The following NCAPH variants were observed in gnomAD, a reference collection of about 807,000 sequenced individuals.
NCAPH encodes non-SMC condensin I complex subunit H.
NCAPH carries 38 observed loss-of-function variants against 85.5 expected under a neutral mutation model. The observed-to-expected ratio is 0.44, with a 90% CI of 0.34 to 0.58. The LOEUF (loss-of-function observed/expected upper bound fraction) is 0.58, where lower values mean the gene tolerates loss of function less well. Ranked by LOEUF, NCAPH falls within the 20% of genes least tolerant of loss-of-function variation. The pLI, the probability that NCAPH is intolerant of heterozygous loss-of-function variation, is 0.01. For synonymous variants in NCAPH, 301 were observed against 335.1 expected (o/e 0.90, Z 1.11); for missense variants, 789 against 916.6 (o/e 0.86, Z 1.80).
intron 6 of NCAPH, among the ~76,000 whole-genome samples, chr2:96,350,311 G>A (rs1045529492): frequency 3.3e-5 from 5 of 152,156 alleles, no homozygotes; most frequent in Non-Finnish European, 7.3e-5. Flanking sequence ...CATTATCATA[G>A]TGCTTTCAGC....
At position 96,373,389 on chromosome 2, in the gene NCAPH, C is replaced by T; in HGVS notation, c.*38C>T. The T allele has an allele frequency of 6.3e-7, 1 of 1,592,622 alleles. No individual in the cohort carries two copies. Among genetic ancestry groups the T allele is most frequent in the Non-Finnish European group, 8.6e-7 (1 of 1,161,378 alleles). ...GAAGTCAGCAGCAGGAGGCCCATCCCTTACTCAGTTGCCGGGACATCCCCA... is the reference window on the plus strand; with the variant it reads ...GAAGTCAGCAGCAGGAGGCCCATCCTTTACTCAGTTGCCGGGACATCCCCA... On this transcript the variant is annotated 3_prime_UTR_variant, in exon 18 of 18. Transcript: ENST00000240423.
intron 4 of NCAPH, 31 bp from the exon 5 acceptor site, chr2:96,343,135 T>G (rs756720864): frequency 1.2e-6 from 2 of 1,609,358 alleles, no homozygotes; most frequent in East Asian, 4.5e-5. Flanking sequence ...TTTGTGTATC[T>G]TTGTGAGTGC....
intron 5 of NCAPH, among the ~76,000 whole-genome samples, 180 bp from the exon 6 acceptor site, chr2:96,343,917 GTCTTGAAC>G (rs1558790409): frequency 6.6e-6 from 1 of 152,084 alleles, no homozygotes; most frequent in Non-Finnish European, 1.5e-5. Flanking sequence ...GGCCAGGCTG[GTCTTGAAC>G]TCCTGAGCTC....
At chr2:96,361,442 C>T (rs747325613) in intron 12 of NCAPH, among the ~76,000 whole-genome samples, 4 of 151,934 alleles carry the variant, frequency 2.6e-5, no homozygotes, top group Admixed American at 2.0e-4. Flanking sequence ...TCGAAGCGAG[C>T]CCAAGGTGAC....
Position 96,341,729 on chromosome 2 carries a change from T to C in NCAPH, c.107T>C (p.Met36Thr). ...TCTCCTTCAGAGCGTGTGTTCCCGA[T>C]GCCCCTGCCCAGGAAGGCGCCTCTC... The part of the protein sequence containing the change: ...ASSPSERVFP[M>T]PLPRKAPLNI... The change falls in exon 2 of 18, where the codon ATG becomes ACG. Residue 36 changes from methionine (M) to threonine (T), a missense_variant. Physicochemically the swap from Met to Thr is moderately conservative, Grantham distance 81. Transcript: ENST00000240423. 6.2e-7 allele frequency: 1 copy of C among 1,614,220 alleles called. No individual in the cohort carries two copies. The highest frequency in any genetic ancestry group is 1.1e-5 in the South Asian group (1 of 91,088).
chr2:96,358,476 C>CT (rs35129726), intron 9 of NCAPH, among the ~76,000 whole-genome samples: 153 of 149,262 alleles, frequency 1.0e-3, no homozygotes, highest in Middle Eastern at 3.4e-3. Flanking sequence ...AAGGAATTCT[C>CT]TTTTTTTTTT....
At chr2:96,369,209 A>T in intron 16 of NCAPH, 146 bp downstream of exon 16, 1 of 943,194 alleles carries the variant, frequency 1.1e-6, no homozygotes, top group East Asian at 2.6e-5. Context: ...ATACAGACCA[A>T]CTTTTAAAAA....
rs200434351 is a variant in NCAPH at position 96,344,101 on chromosome 2, T to G, written c.596-4T>G. On this transcript the variant is annotated splice_region_variant and splice_polypyrimidine_tract_variant and intron_variant, in intron 5 of 17. Transcript: ENST00000240423. The stretch of plus-strand genomic sequence containing the variant: ...GCAGTACGCAATTGTATTTCTCCTT[T>G]TAGATGGAAGTGCTACTGAAATGGG... 4,246 of 1,609,008 alleles carry G rather than the reference T, an allele frequency of 2.6e-3. 11 individuals are homozygous for G. Among genetic ancestry groups the G allele is most frequent in the Non-Finnish European group, 3.5e-3 (4,080 of 1,178,546 alleles).
At position 96,361,749 on chromosome 2, in the gene NCAPH, G is replaced by GATAT. The variant is rs142082869; in HGVS notation, c.1587+1055_1587+1058dup. ...GCCTGTTTTTCCACAAGATTTTAAT[G>GATAT]ATATATATATATATATATACATATA... On this transcript the variant is annotated intron_variant, in intron 12 of 17. Coordinates refer to ENST00000240423, the MANE Select transcript of NCAPH (RefSeq NM_015341.5). Among the ~76,000 whole-genome samples, 437 of 95,176 alleles carry GATAT rather than the reference G, an allele frequency of 4.6e-3. 4 individuals carry two copies. Among genetic ancestry groups the GATAT allele is most frequent in the Admixed American group, 9.0e-3 (74 of 8,228 alleles). The allele number at this position is 95,176 out of a possible 152,430, so 62.4% of individuals were successfully genotyped here. A position where few individuals can be genotyped will look rare whatever the true frequency, so the allele number is the denominator to read the frequency against.
chr2:96,372,030 G>A (rs147700049), intron 17 of NCAPH, among the ~76,000 whole-genome samples: 83 of 152,352 alleles, frequency 5.4e-4, no homozygotes, highest in Non-Finnish European at 6.6e-4. Context: ...GAAAACCCGC[G>A]AGGTGTGACT....
intron 17 of NCAPH, 100 bp from the exon 18 acceptor site, chr2:96,373,192 C>G: frequency 1.0e-6 from 1 of 962,906 alleles, no homozygotes. Context: ...ATGGGACAAA[C>G]TTTCTTCTTT....
At chr2:96,368,829 A>G in intron 15 of NCAPH, 143 bp from the exon 16 acceptor site, 1 of 668,136 alleles carries the variant, frequency 1.5e-6, no homozygotes, top group Non-Finnish European at 2.5e-6. Context: ...TTCTCTTTGT[A>G]GATCCTTTTT....
At chr2:96,370,048 AG>A (rs1171709810) in intron 17 of NCAPH, among the ~76,000 whole-genome samples, 2 of 152,248 alleles carry the variant, frequency 1.3e-5, no homozygotes, top group African/African-American at 2.4e-5. Context: ...GCCATGGGAC[AG>A]CTGTGGAAAG....
chr2:96,373,223 G>C, intron 17 of NCAPH, 69 bp from the exon 18 acceptor site: 2 of 1,357,388 alleles, frequency 1.5e-6, no homozygotes, highest in Non-Finnish European at 1.0e-6. Flanking sequence ...CCTTGTGACT[G>C]TGATTGGAAT....
intron 9 of NCAPH, among the ~76,000 whole-genome samples, chr2:96,357,099 G>A (rs547198051): frequency 2.6e-5 from 4 of 152,312 alleles, no homozygotes; most frequent in South Asian, 4.1e-4. Context: ...TGACCTAGTC[G>A]GAGGTCAAAG....
intron 1 of NCAPH, 60 bp downstream of exon 1, chr2:96,335,908 C>A (rs914896022): frequency 2.2e-6 from 3 of 1,382,462 alleles, no homozygotes; most frequent in African/African-American, 3.1e-5. Context: ...GTACTTCGGG[C>A]GGGCAGGGCT....
In NCAPH at chr2:96,343,445, G is replaced by T. The variant is rs1023802105; in HGVS notation, c.595+141G>T. On this transcript the variant is annotated intron_variant, in intron 5 of 17. Transcript: ENST00000240423. The stretch of plus-strand genomic sequence containing the variant: ...CAGGGCATTTTTAGAACCATATATG[G>T]TCTTACGTGAGAAGATACTCAAACA... The T allele has an allele frequency of 3.5e-5, 34 of 980,236 alleles. No individual in the cohort carries two copies. The East Asian group carries it at 9.7e-4, about 28-fold the overall frequency. The allele number at this position is 980,236 out of a possible 1,614,324, so 60.7% of individuals were successfully genotyped here.
rs766961224 is a variant in NCAPH, at chr2:96,373,332, T to C, written c.2207T>C (p.Leu736Pro). 2 of 1,614,054 alleles carry C rather than the reference T, an allele frequency of 1.2e-6. No individual in the cohort carries two copies. Among genetic ancestry groups the C allele is most frequent in the African/African-American group, 1.3e-5 (1 of 75,044 alleles). The change falls in exon 18 of 18, where the codon CTT becomes CCT. Residue 736 changes from leucine (L) to proline (P), a missense_variant. By Grantham distance (98) the Leu-to-Pro change is moderately conservative. Transcript: ENST00000240423. ...GGAACAGAGGACCTCTCTGATGTTCTTGTGAGGCAAGGAGATTGAGTTCAC... is the reference window on the plus strand; with the variant it reads ...GGAACAGAGGACCTCTCTGATGTTCCTGTGAGGCAAGGAGATTGAGTTCAC... The part of the protein sequence containing the change: ...LEGTEDLSDV[L>P]VRQGD
intron 13 of NCAPH, 124 bp from the exon 14 acceptor site, chr2:96,365,747 CGTAGT>C (rs2064688995): frequency 2.2e-6 from 2 of 894,588 alleles, no homozygotes; most frequent in Admixed American, 4.2e-5. Flanking sequence ...AGAAGTTCAT[CGTAGT>C]GTAACTCACT....
Sources: allele counts gnomAD v4.1 joint callset (sites outside exome capture counted in the v4.1 genomes callset), GRCh38; gene constraint gnomAD v4.1.1; transcripts MANE v1.5; gene names NCBI Gene and HGNC (gene_info 2026-07-23, HGNC 2026-07-21).